MYLK3: variants seen among roughly 807,000 people sequenced by gnomAD.
The protein encoded by MYLK3 is myosin light chain kinase 3.
Under a neutral mutation model 76.3 loss-of-function variants are expected in MYLK3, and 55 were observed. The observed-to-expected ratio is 0.72, with a 90% confidence interval of 0.58 to 0.90. The LOEUF (loss-of-function observed/expected upper bound fraction) is 0.90. Among genes scored for constraint, MYLK3 ranks in the 40% least tolerant of loss-of-function variants. The probability of loss-of-function intolerance (pLI) is 0.00; values close to 1 mark genes in which losing one functional copy is unlikely to be tolerated. For missense variants in MYLK3, 973 were observed against 1,053.6 expected (o/e 0.92, Z 1.06); for synonymous variants, 416 against 425.4 (o/e 0.98, Z 0.27).
chr16:46,757,381 G>T, intron 1 of MYLK3: 2 of 985,428 alleles, frequency 2.0e-6, no homozygotes, highest in African/African-American at 1.7e-5. Context: ...TTGTTCCTCA[G>T]GCTCTTACTT....
intron 3 of MYLK3, among the ~76,000 whole-genome samples, chr16:46,735,089 C>G (rs150823928): frequency 1.3e-5 from 2 of 150,912 alleles, no homozygotes; most frequent in African/African-American, 4.9e-5. Context: ...TGAAGTGAGC[C>G]GAGATGGCAC....
chr16:46,763,073 C>CA (rs1202426509), exon 1 of MYLK3: 2 of 985,374 alleles, frequency 2.0e-6, no homozygotes, highest in South Asian at 9.4e-5. Context: ...GGGATCTGTC[C>CA]AAAATCTTGT....
rs542132700 is a variant in MYLK3, at chr16:46,704,811, C to G, written c.*2893G>C. 1.3e-5 allele frequency: 2 copies of G among 152,132 alleles called. No homozygotes were observed. Among genetic ancestry groups the G allele is most frequent in the Non-Finnish European group, 2.9e-5 (2 of 68,034 alleles). 9.4% of individuals were successfully genotyped at this position (152,132 alleles called of 1,614,324 possible). A position where few individuals can be genotyped will look rare whatever the true frequency, so the allele number is the denominator to read the frequency against. Reference sequence around the variant, plus strand: ...CATAGCATTCTCCAGAATCTTAAGTCGAAAACAGGGTATGAACCACAATAG... The same window carrying G: ...CATAGCATTCTCCAGAATCTTAAGTGGAAAACAGGGTATGAACCACAATAG... On this transcript the variant is annotated 3_prime_UTR_variant, in exon 13 of 13. Coordinates refer to ENST00000394809, the MANE Select transcript of MYLK3 (RefSeq NM_182493.3).
At chr16:46,751,293 C>T (rs2143017653), upstream of MYLK3, among the ~76,000 whole-genome samples, 1 of 152,064 alleles carries the variant, frequency 6.6e-6, no homozygotes, top group South Asian at 2.1e-4. Flanking sequence ...CACCTGTGAT[C>T]CCAGTTACTC....
At chr16:46,743,190 C>G (rs1391622104) in intron 1 of MYLK3, among the ~76,000 whole-genome samples, 1 of 152,206 alleles carries the variant, frequency 6.6e-6, no homozygotes, top group African/African-American at 2.4e-5. Flanking sequence ...CAGGGATCAT[C>G]GAATTCACTG....
intron 8 of MYLK3, chr16:46,726,603 GA>G (rs1313095900): frequency 6.7e-6 from 1 of 148,838 alleles, no homozygotes; most frequent in Non-Finnish European, 1.5e-5. Flanking sequence ...AAGAGAGAGA[GA>G]GAGAGAAAAG....
intron 1 of MYLK3, chr16:46,762,996 C>A (rs983463689): frequency 1.3e-5 from 13 of 982,192 alleles, no homozygotes; most frequent in Non-Finnish European, 1.6e-5. Context: ...GCTGAAAACA[C>A]CCCCCCACAC....
At chr16:46,732,026 G>T (rs756487780) in intron 4 of MYLK3, among the ~76,000 whole-genome samples, 182 bp downstream of exon 4, 1 of 152,072 alleles carries the variant, frequency 6.6e-6, no homozygotes, top group Non-Finnish European at 1.5e-5. Flanking sequence ...CCAAGTTCAG[G>T]CCCCACATCT....
rs1966610444 is a variant in MYLK3, at chr16:46,704,945, C to T, written c.*2759G>A. ...AAGACATTTTACCAAATCACTATCA[C>T]TGTCTCATCAAAGGACAACTTTCAG... On this transcript the variant is annotated 3_prime_UTR_variant, in exon 13 of 13. Transcript: ENST00000394809. 6.6e-6 allele frequency: 1 copy of T among 152,236 alleles called. No homozygotes were observed. Among genetic ancestry groups the T allele is most frequent in the Non-Finnish European group, 1.5e-5 (1 of 68,040 alleles). The allele number at this position is 152,236 out of a possible 1,614,324, so 9.4% of individuals were successfully genotyped here. A position where few individuals can be genotyped will look rare whatever the true frequency, so the allele number is the denominator to read the frequency against.
At chr16:46,719,370 C>T (rs1245922880) in intron 9 of MYLK3, among the ~76,000 whole-genome samples, 1 of 151,724 alleles carries the variant, frequency 6.6e-6, no homozygotes, top group Non-Finnish European at 1.5e-5. Context: ...AGAGAAATGT[C>T]ATTCTCGGAG....
rs1170792483 is a variant in MYLK3 at position 46,705,547 on chromosome 16, G to A, written c.*2157C>T. 6.6e-6 allele frequency: 1 copy of A among 151,846 alleles called. No homozygotes were observed. The highest frequency in any genetic ancestry group is 1.5e-5 in the Non-Finnish European group (1 of 67,936). The allele number at this position is 151,846 out of a possible 1,614,324, so 9.4% of individuals were successfully genotyped here. On this transcript the variant is annotated 3_prime_UTR_variant, in exon 13 of 13. Coordinates refer to ENST00000394809, the MANE Select transcript of MYLK3 (RefSeq NM_182493.3). ...CTCTCAAAAAAAATAAAAAACTAAA[G>A]CTGCTCACCTGAGGAAAAAAATGGG...
intron 1 of MYLK3, among the ~76,000 whole-genome samples, chr16:46,740,350 TAAA>T (rs1966908917): frequency 6.6e-6 from 1 of 151,884 alleles, no homozygotes; most frequent in South Asian, 2.1e-4. Flanking sequence ...TCATAAAATT[TAAA>T]AGAGGAGGCG....
At chr16:46,730,552 T>C (rs745723813) in intron 5 of MYLK3, 41 bp downstream of exon 5, 94 of 1,556,178 alleles carry the variant, frequency 6.0e-5, no homozygotes, top group African/African-American at 1.4e-5. Flanking sequence ...GCCCCGTGAC[T>C]CCTGCTCTAA....
chr16:46,747,869 C>A lies in MYLK3; in HGVS notation c.325G>T (p.Ala109Ser). 1 of 1,614,078 alleles carries A rather than the reference C, an allele frequency of 6.2e-7. No homozygotes were observed. Among genetic ancestry groups the A allele is most frequent in the Non-Finnish European group, 8.5e-7 (1 of 1,180,020 alleles). The stretch of plus-strand genomic sequence containing the variant: ...ATCCTGAAGAGGGCCTCCAGCCTGG[C>A]ACCGTGCTGGGCCGCATCCTGCTGC... ...AMQQDAAQHG[A>S]RLEALFRMVA... is the part of the protein sequence containing the mutation. The change falls in exon 1 of 13, where the codon GCC becomes TCC. Residue 109 changes from alanine to serine, a missense_variant. Ala to Ser is a moderately conservative substitution (Grantham distance 99). This residue lies in a region of MYLK3 where 641 missense variants were observed against 637.0 expected (regional missense o/e 1.01). Transcript: ENST00000394809.
chr16:46,763,162 T>G, exon 1 of MYLK3: 5 of 985,116 alleles, frequency 5.1e-6, no homozygotes, highest in Non-Finnish European at 6.0e-6. Flanking sequence ...TGGAGGCAGT[T>G]AAGTGGCTTG....
chr16:46,757,411 G>A (rs763459701), intron 1 of MYLK3: 1 of 985,452 alleles, frequency 1.0e-6, no homozygotes, highest in Non-Finnish European at 1.2e-6. Flanking sequence ...CTTGCCCAGA[G>A]CTGCCCTTAC....
intron 6 of MYLK3, 57 bp downstream of exon 6, chr16:46,729,537 G>A: frequency 1.3e-6 from 2 of 1,502,926 alleles, no homozygotes; most frequent in Non-Finnish European, 1.9e-6. Flanking sequence ...GGGCCCTGAG[G>A]GAAGGAAAGG....
chr16:46,723,117 C>T (rs994713239), intron 8 of MYLK3, among the ~76,000 whole-genome samples: 5 of 151,832 alleles, frequency 3.3e-5, no homozygotes, highest in Non-Finnish European at 7.4e-5. Context: ...CAAAACCATA[C>T]CCATCATCAG....
At chr16:46,727,445 T>A in intron 7 of MYLK3, 68 bp from the exon 8 acceptor site, 1 of 1,523,344 alleles carries the variant, frequency 6.6e-7, no homozygotes, top group South Asian at 1.3e-5. Context: ...CCACTGTCAT[T>A]ATAGGGCCAA....
Sources: allele counts gnomAD v4.1 joint callset (sites outside exome capture counted in the v4.1 genomes callset), GRCh38; gene constraint gnomAD v4.1.1; regional missense constraint gnomAD v4.1.1; transcripts MANE v1.5; gene names NCBI Gene and HGNC (gene_info 2026-07-23, HGNC 2026-07-21).